Variants in MTUS2 observed in about 807,000 individuals in gnomAD.
The protein encoded by MTUS2 is microtubule-associated tumor suppressor candidate 2.
A neutral mutation model predicts 114.1 loss-of-function variants in MTUS2; 40 were observed. That is an observed-to-expected ratio of 0.35 (90% confidence interval 0.27 to 0.46). The LOEUF (loss-of-function observed/expected upper bound fraction) is 0.46. Among genes scored for constraint, MTUS2 ranks in the 20% least tolerant of loss-of-function variants. MTUS2 has a pLI of 1.00. For synonymous variants in MTUS2, 688 were observed against 672.0 expected (o/e 1.02, Z -0.37); for missense variants, 1,679 against 1,705.4 (o/e 0.98, Z 0.27).
chr13:29,166,088 G>A lies in MTUS2; in HGVS notation c.2644+65118G>A, dbSNP rs559920459. ...CTCATGTCAGGTTGCAGCTACTGGTGAAAACAGAACTATGCTTCCACTTTG... is the reference window on the plus strand; with the variant it reads ...CTCATGTCAGGTTGCAGCTACTGGTAAAAACAGAACTATGCTTCCACTTTG... On this transcript the variant is annotated intron_variant, in intron 5 of 15. Transcript: ENST00000612955. 1.8e-4 allele frequency among the ~76,000 whole-genome samples: 28 copies of A among 152,278 alleles called. No individual in the cohort carries two copies. In the South Asian group the frequency reaches 5.8e-3, roughly 32 times the overall value.
intron 7 of MTUS2, among the ~76,000 whole-genome samples, chr13:29,331,769 G>T (rs527333292): frequency 6.6e-6 from 1 of 152,224 alleles, no homozygotes; most frequent in Admixed American, 6.5e-5. Context: ...TTAGCATGAA[G>T]CACTGTTGAA....
chr13:29,212,956 C>G (rs1286966772), intron 5 of MTUS2, among the ~76,000 whole-genome samples: 1 of 152,060 alleles, frequency 6.6e-6, no homozygotes, highest in African/African-American at 2.4e-5. Context: ...ACTTGGTCTT[C>G]CTAGTGACCA....
chr13:29,349,028 A>T (rs766086694), intron 7 of MTUS2, among the ~76,000 whole-genome samples: 6 of 152,050 alleles, frequency 3.9e-5, no homozygotes, highest in Non-Finnish European at 5.9e-5. Context: ...ATTTGATGTT[A>T]TTACTGATTT....
intron 2 of MTUS2, among the ~76,000 whole-genome samples, chr13:29,003,696 G>T (rs1377822414): frequency 6.6e-6 from 1 of 152,198 alleles, no homozygotes; most frequent in South Asian, 2.1e-4. Context: ...GTGAGCAAGA[G>T]AAGTCTTCTC....
intron 6 of MTUS2, among the ~76,000 whole-genome samples, chr13:29,288,873 T>G: frequency 6.6e-6 from 1 of 152,218 alleles, no homozygotes. Flanking sequence ...TCTCAGCGTT[T>G]CACGTGCTGC....
At chr13:29,391,002 C>T (rs978662651) in intron 8 of MTUS2, among the ~76,000 whole-genome samples, 2 of 152,134 alleles carry the variant, frequency 1.3e-5, no homozygotes, top group East Asian at 3.9e-4. Context: ...GGGCTGGTCT[C>T]GAACTCCTGA....
intron 5 of MTUS2, among the ~76,000 whole-genome samples, chr13:29,177,927 G>T (rs1045350437): frequency 1.3e-5 from 2 of 152,142 alleles, no homozygotes; most frequent in African/African-American, 4.8e-5. Context: ...ACTCTTGCTT[G>T]CTTTCTTTTC....
chr13:29,040,270 C>G lies in MTUS2; in HGVS notation c.2446+6145C>G, dbSNP rs146140741. On this transcript the variant is annotated intron_variant, in intron 4 of 15. Transcript: ENST00000612955. ...CGCTTAGAATAATGGTCTCCAACTT[C>G]ATCCAGGTTGCTGCGAATGCCATTA... Among the ~76,000 whole-genome samples the G allele has an allele frequency of 3.7e-4, 57 of 152,350 alleles. No individual in the cohort carries two copies. The East Asian group carries it at 9.8e-3, about 26-fold the overall frequency.
chr13:29,357,519 A>G (rs7326367), intron 7 of MTUS2, among the ~76,000 whole-genome samples: 10,853 of 152,212 alleles, frequency 0.071, 1,309 homozygotes, highest in African/African-American at 0.25. Flanking sequence ...AATTGTGGGG[A>G]AAAAAATATC....
chr13:29,398,086 CTGTTA>C (rs1874044307), intron 8 of MTUS2, among the ~76,000 whole-genome samples: 1 of 152,090 alleles, frequency 6.6e-6, no homozygotes, highest in Non-Finnish European at 1.5e-5. Context: ...ATACACATAT[CTGTTA>C]TATTACTTGC....
At chr13:28,909,408 C>T (rs1413487000) in intron 2 of MTUS2, among the ~76,000 whole-genome samples, 1 of 152,040 alleles carries the variant, frequency 6.6e-6, no homozygotes, top group Non-Finnish European at 1.5e-5. Flanking sequence ...TCCTTCACGT[C>T]CCTTGTAAGT....
At chr13:29,304,749 G>A (rs530704865) in intron 6 of MTUS2, among the ~76,000 whole-genome samples, 1 of 152,190 alleles carries the variant, frequency 6.6e-6, no homozygotes, top group East Asian at 1.9e-4. Context: ...AATTAACAAA[G>A]ATGTTCAGGA....
At chr13:28,907,115 A>G (rs892849903) in intron 2 of MTUS2, among the ~76,000 whole-genome samples, 2 of 151,548 alleles carry the variant, frequency 1.3e-5, no homozygotes, top group African/African-American at 4.9e-5. Context: ...CTTAAAGAAA[A>G]GAATTTTCAA....
intron 5 of MTUS2, among the ~76,000 whole-genome samples, chr13:29,185,843 T>TGTTGAATAAAAAGGACATTATAGAA (rs1303313541): frequency 2.6e-5 from 4 of 152,058 alleles, no homozygotes; most frequent in Admixed American, 6.6e-5. Flanking sequence ...AAGCAGTTTG[T>TGTTGAATAAAAAGGACATTATAGAA]GTTGAATAAA....
intron 5 of MTUS2, among the ~76,000 whole-genome samples, chr13:29,201,773 G>T (rs540897026): frequency 1.3e-5 from 2 of 152,192 alleles, no homozygotes; most frequent in African/African-American, 4.8e-5. Flanking sequence ...AGCTTAGTTC[G>T]GCTGGATATG....
chr13:29,021,640 A>G (rs1332520156), intron 2 of MTUS2, among the ~76,000 whole-genome samples: 1 of 152,180 alleles, frequency 6.6e-6, no homozygotes, highest in Admixed American at 6.5e-5. Context: ...GATGGCCTAT[A>G]TTTATGAACT....
intron 5 of MTUS2, among the ~76,000 whole-genome samples, chr13:29,139,167 A>T (rs565820473): frequency 6.6e-6 from 1 of 152,126 alleles, no homozygotes; most frequent in Non-Finnish European, 1.5e-5. Flanking sequence ...GTGCTGACAC[A>T]CAGACAACCC....
intron 3 of MTUS2, among the ~76,000 whole-genome samples, chr13:29,030,059 C>G (rs1423975354): frequency 6.6e-6 from 1 of 152,196 alleles, no homozygotes; most frequent in African/African-American, 2.4e-5. Flanking sequence ...AGGCCCAAAC[C>G]CCACATTGTC....
intron 1 of MTUS2, among the ~76,000 whole-genome samples, chr13:28,830,514 A>AT (rs1006075694): frequency 2.6e-5 from 4 of 151,406 alleles, no homozygotes; most frequent in Non-Finnish European, 5.9e-5. Context: ...GAAATGAAAA[A>AT]ATTTACTAGA....
Sources: gnomAD v4.1 joint callset for allele counts (sites outside exome capture counted in the v4.1 genomes callset) on GRCh38, gnomAD v4.1.1 for gene constraint, MANE v1.5 for transcripts, NCBI Gene and HGNC (gene_info 2026-07-23, HGNC 2026-07-21) for gene names.